Variants in FBXW11 observed in about 807,000 individuals in gnomAD.
FBXW11 encodes F-box and WD repeat domain containing 11.
Under a neutral mutation model 77.6 loss-of-function variants are expected in FBXW11, and 19 were observed. The ratio of observed to expected loss-of-function variants is 0.24; its 90% confidence interval spans 0.17 to 0.36. The LOEUF is 0.36. FBXW11 is among the 10% of genes least tolerant of loss of function. The pLI is 1.00. For synonymous variants in FBXW11, 235 were observed against 249.4 expected (o/e 0.94, Z 0.54); for missense variants, 334 against 704.2 (o/e 0.47, Z 5.95).
Position 171,952,447 on chromosome 5 carries a change from A to ATTTTTTTTTTT in FBXW11, c.147+5139_147+5149dup, listed in dbSNP as rs1164383563. The stretch of plus-strand genomic sequence containing the variant: ...CATATATATATATATATATATATAT[A>ATTTTTTTTTTT]TTTTTTTTTTTTTTTTTTTTTTTGA... On this transcript the variant is annotated intron_variant, in intron 2 of 13. Coordinates refer to ENST00000517395, the MANE Select transcript of FBXW11 (RefSeq NM_001378974.1). Among the ~76,000 whole-genome samples the ATTTTTTTTTTT allele has an allele frequency of 1.7e-3, 12 of 6,944 alleles. 2 individuals carry two copies. The highest frequency in any genetic ancestry group is 3.2e-3 in the Non-Finnish European group (10 of 3,148). 4.6% of individuals were successfully genotyped at this position (6,944 alleles called of 152,430 possible). A position where few individuals can be genotyped will look rare whatever the true frequency, so the allele number is the denominator to read the frequency against.
chr5:171,861,640 ATACCCATACTCGATT>A lies in FBXW11; in HGVS notation c.*2472_*2486del. 1 of 152,770 alleles carries A rather than the reference ATACCCATACTCGATT, an allele frequency of 6.5e-6. No homozygotes were observed. The highest frequency in any genetic ancestry group is 2.1e-4 in the South Asian group (1 of 4,824). The allele number at this position is 152,770 out of a possible 1,614,324, so 9.5% of individuals were successfully genotyped here. ...GAAGCCAGATTAGGTGCACTGCATA[ATACCCATACTCGATT>A]TATTGACATTACTTAGCAATTTACT... On this transcript the variant is annotated 3_prime_UTR_variant, in exon 14 of 14. Transcript: ENST00000517395.
At chr5:171,981,877 C>T (rs1482070805) in intron 1 of FBXW11, among the ~76,000 whole-genome samples, 1 of 152,150 alleles carries the variant, frequency 6.6e-6, no homozygotes, top group Admixed American at 6.6e-5. Flanking sequence ...TGAACTGATA[C>T]AACAAGAATG....
Position 171,900,071 on chromosome 5 carries a change from T to C in FBXW11, c.466A>G (p.Ile156Val). 2 of 1,613,380 alleles carry C rather than the reference T, an allele frequency of 1.2e-6. No individual in the cohort carries two copies. The highest frequency in any genetic ancestry group is 1.3e-5 in the African/African-American group (1 of 74,994). ...EQGLDHIAEN[I>V]LSYLDARSLC... ...GACCTGGCATCCAGGTACGAAAGAA[T>C]GTTTTCTGCTATGTGATCTAAGCCT... The change falls in exon 5 of 14, where the codon ATT (isoleucine) becomes GTT (valine). Residue 156 changes from isoleucine to valine, a missense_variant. Physicochemically the swap from Ile to Val is conservative, Grantham distance 29. Around this residue, in one of 10 missense-constraint regions of FBXW11, gnomAD observed 56 missense variants for 144.9 expected, o/e 0.39. Transcript: ENST00000517395.
Position 171,991,207 on chromosome 5 carries a change from T to C in FBXW11, c.45+15251A>G, listed in dbSNP as rs185593736. On this transcript the variant is annotated intron_variant, in intron 1 of 13. Transcript: ENST00000517395. ...GAGTATTGATTGACTGTAGCTATAA[T>C]GAACTCTTCATGTCTCCATGCTTTC... Among the ~76,000 whole-genome samples, 3 of 152,328 alleles carry C rather than the reference T, an allele frequency of 2.0e-5. No homozygotes were observed. The East Asian group carries it at 5.8e-4, about 29-fold the overall frequency.
At chr5:171,928,963 C>T (rs1762025576) in intron 2 of FBXW11, among the ~76,000 whole-genome samples, 1 of 152,012 alleles carries the variant, frequency 6.6e-6, no homozygotes, top group Non-Finnish European at 1.5e-5. Flanking sequence ...ATCCCAGCTA[C>T]TTGGGAAGCA....
chr5:171,902,613 G>A (rs1404896349), intron 4 of FBXW11, among the ~76,000 whole-genome samples: 1 of 152,146 alleles, frequency 6.6e-6, no homozygotes, highest in African/African-American at 2.4e-5. Context: ...TTAAAACCAG[G>A]AAGTCTGCTC....
At chr5:172,005,329 AG>A (rs1332964588) in intron 1 of FBXW11, among the ~76,000 whole-genome samples, 1 of 152,266 alleles carries the variant, frequency 6.6e-6, no homozygotes, top group Non-Finnish European at 1.5e-5. Flanking sequence ...AGGCTTCCAT[AG>A]GAAGAAATCC....
chr5:171,958,344 T>A (rs766588071), intron 1 of FBXW11, among the ~76,000 whole-genome samples: 1 of 152,078 alleles, frequency 6.6e-6, no homozygotes, highest in Non-Finnish European at 1.5e-5. Context: ...TGAGTAAAGT[T>A]TTGCACCTCC....
chr5:171,986,229 G>A (rs1208708532), intron 1 of FBXW11, among the ~76,000 whole-genome samples: 16 of 147,646 alleles, frequency 1.1e-4, no homozygotes, highest in South Asian at 8.7e-4. Flanking sequence ...CCAACATGGT[G>A]AAACCCCATC....
rs1757143726 is a variant in FBXW11, at chr5:171,862,384, C to A, written c.*1743G>T. ...ACTCAATAAACAAATCACATACACACACACTGATCCCCACACCGTTCTCAA... is the reference window on the plus strand; with the variant it reads ...ACTCAATAAACAAATCACATACACAAACACTGATCCCCACACCGTTCTCAA... On this transcript the variant is annotated 3_prime_UTR_variant, in exon 14 of 14. Transcript: ENST00000517395. 1 of 152,538 alleles carries A rather than the reference C, an allele frequency of 6.6e-6. No individual in the cohort carries two copies. Among genetic ancestry groups the A allele is most frequent in the African/African-American group, 2.4e-5 (1 of 41,414 alleles). The allele number at this position is 152,538 out of a possible 1,614,324, so 9.4% of individuals were successfully genotyped here.
chr5:171,935,635 G>A (rs1762433406), intron 2 of FBXW11, among the ~76,000 whole-genome samples: 1 of 151,948 alleles, frequency 6.6e-6, no homozygotes. Context: ...AAGAGAAAGA[G>A]CATTAATTGG....
intron 2 of FBXW11, among the ~76,000 whole-genome samples, chr5:171,954,341 C>G (rs190381516): frequency 5.8e-4 from 89 of 152,308 alleles, no homozygotes; most frequent in African/African-American, 2.1e-3. Flanking sequence ...CAGGTCAATT[C>G]ACCTCTATAA....
At chr5:171,955,825 A>G (rs1763578968) in intron 2 of FBXW11, among the ~76,000 whole-genome samples, 1 of 152,176 alleles carries the variant, frequency 6.6e-6, no homozygotes, top group African/African-American at 2.4e-5. Context: ...GCAAAAAAAA[A>G]AAAATCTTTT....
chr5:171,987,793 C>A (rs547712519), intron 1 of FBXW11, among the ~76,000 whole-genome samples: 5 of 152,046 alleles, frequency 3.3e-5, no homozygotes, highest in African/African-American at 1.2e-4. Flanking sequence ...AATTTCCTTC[C>A]TTTTCTAACT....
chr5:172,000,472 C>T (rs1766347515), intron 1 of FBXW11, among the ~76,000 whole-genome samples: 2 of 152,162 alleles, frequency 1.3e-5, no homozygotes, highest in African/African-American at 4.8e-5. Flanking sequence ...ACAGTATTGA[C>T]TCTGCATGAT....
At chr5:171,955,443 A>G (rs995673014) in intron 2 of FBXW11, among the ~76,000 whole-genome samples, 6 of 152,166 alleles carry the variant, frequency 3.9e-5, no homozygotes, top group African/African-American at 1.4e-4. Context: ...TTTGCAATAA[A>G]CCAAAGATGC....
chr5:171,952,760 T>C (rs1284950791), intron 2 of FBXW11, among the ~76,000 whole-genome samples: 3 of 151,814 alleles, frequency 2.0e-5, no homozygotes, highest in African/African-American at 7.3e-5. Flanking sequence ...TATTTATATA[T>C]TTTTTAGAGC....
At chr5:171,897,614 G>A (rs1256883841) in intron 6 of FBXW11, among the ~76,000 whole-genome samples, 1 of 152,102 alleles carries the variant, frequency 6.6e-6, no homozygotes, top group Non-Finnish European at 1.5e-5. Context: ...TATCTATGTT[G>A]CCACATCTTC....
chr5:171,934,912 G>GTGATATA (rs1296547659), intron 2 of FBXW11, among the ~76,000 whole-genome samples: 18 of 152,084 alleles, frequency 1.2e-4, no homozygotes, highest in African/African-American at 3.9e-4. Context: ...GGATGGGTGA[G>GTGATATA]GGATATAGGG....
Sources: allele counts gnomAD v4.1 joint callset (sites outside exome capture counted in the v4.1 genomes callset), GRCh38; gene constraint gnomAD v4.1.1; regional missense constraint gnomAD v4.1.1; transcripts MANE v1.5; gene names NCBI Gene and HGNC (gene_info 2026-07-23, HGNC 2026-07-21).